THSD7A: variants seen among roughly 807,000 people sequenced by gnomAD.
THSD7A encodes thrombospondin type 1 domain containing 7A, also known as thrombospondin type-1 domain-containing protein 7A.
Under a neutral mutation model 231.3 loss-of-function variants are expected in THSD7A, and 96 were observed. The ratio of observed to expected loss-of-function variants is 0.41; its 90% confidence interval spans 0.35 to 0.49. The LOEUF is 0.49. Ranked by LOEUF, THSD7A falls within the 20% of genes least tolerant of loss-of-function variation. THSD7A has a pLI of 0.05. For synonymous variants in THSD7A, 940 were observed against 743.3 expected (o/e 1.26, Z -4.30); for missense variants, 2,290 against 2,070.2 (o/e 1.11, Z -2.06).
intron 7 of THSD7A, among the ~76,000 whole-genome samples, chr7:11,476,318 T>TATACACACAC: frequency 7.3e-6 from 1 of 137,392 alleles, no homozygotes; most frequent in African/African-American, 2.7e-5. Flanking sequence ...CTCTGGAAGA[T>TATACACACAC]ACACACACAC....
At chr7:11,738,718 T>C (rs1782001558) in intron 1 of THSD7A, among the ~76,000 whole-genome samples, 1 of 151,972 alleles carries the variant, frequency 6.6e-6, no homozygotes, top group African/African-American at 2.4e-5. Context: ...GATTTGAAGA[T>C]GCTATGCCAC....
chr7:11,714,107 G>T (rs1303449144), intron 1 of THSD7A, among the ~76,000 whole-genome samples: 1 of 151,128 alleles, frequency 6.6e-6, no homozygotes, highest in Non-Finnish European at 1.5e-5. Context: ...AAAAATGTTT[G>T]CAGGAAAACG....
intron 6 of THSD7A, among the ~76,000 whole-genome samples, chr7:11,527,494 A>T (rs1788526765): frequency 6.6e-6 from 1 of 152,172 alleles, no homozygotes; most frequent in Non-Finnish European, 1.5e-5. Context: ...CTTATCTAAC[A>T]TCACATGCTC....
intron 1 of THSD7A, among the ~76,000 whole-genome samples, chr7:11,796,520 C>T (rs1369992022): frequency 1.3e-5 from 2 of 151,786 alleles, no homozygotes; most frequent in Non-Finnish European, 2.9e-5. Context: ...ATCCAGAATA[C>T]AGCATATTTT....
intron 4 of THSD7A, among the ~76,000 whole-genome samples, chr7:11,582,054 C>A (rs569311378): frequency 1.4e-4 from 21 of 152,002 alleles, no homozygotes; most frequent in Non-Finnish European, 1.2e-4. Flanking sequence ...CTGTAATAAT[C>A]TTTTACTCTG....
chr7:11,798,333 T>C (rs1190768957), intron 1 of THSD7A, among the ~76,000 whole-genome samples: 1 of 151,984 alleles, frequency 6.6e-6, no homozygotes, highest in Non-Finnish European at 1.5e-5. Flanking sequence ...TACCCAGGCA[T>C]GGTGGTACAT....
chr7:11,593,115 A>T (rs1259422409), intron 3 of THSD7A, 139 bp downstream of exon 3: 22 of 1,171,232 alleles, frequency 1.9e-5, no homozygotes, highest in Non-Finnish European at 2.4e-5. Context: ...CTGTAAAAAA[A>T]GTTTTTTTTA....
At chr7:11,558,434 G>C (rs1040071955) in intron 4 of THSD7A, among the ~76,000 whole-genome samples, 12 of 152,042 alleles carry the variant, frequency 7.9e-5, no homozygotes, top group African/African-American at 2.9e-4. Context: ...ATCTACTATA[G>C]TACCACAGTC....
intron 6 of THSD7A, among the ~76,000 whole-genome samples, chr7:11,514,035 G>C (rs1787927149): frequency 6.6e-6 from 1 of 151,728 alleles, no homozygotes; most frequent in Admixed American, 6.6e-5. Context: ...CCACCTCAAT[G>C]TCTTTGCACT....
intron 1 of THSD7A, among the ~76,000 whole-genome samples, chr7:11,792,927 C>T (rs1784004801): frequency 6.6e-6 from 1 of 151,828 alleles, no homozygotes; most frequent in African/African-American, 2.4e-5. Context: ...GAGGTTTGCC[C>T]TGTGAGTTGT....
At chr7:11,439,919 A>T (rs986205331) in intron 13 of THSD7A, among the ~76,000 whole-genome samples, 6 of 152,122 alleles carry the variant, frequency 3.9e-5, no homozygotes, top group Non-Finnish European at 8.8e-5. Flanking sequence ...TTTTCAATGT[A>T]GATGAAACAG....
At chr7:11,820,741 G>A in intron 1 of THSD7A, 1 of 1,197,504 alleles carries the variant, frequency 8.4e-7, no homozygotes, top group South Asian at 1.2e-5. Flanking sequence ...TCTCTTCAGT[G>A]TACTCTTCTG....
chr7:11,643,599 G>GCA (rs760006180), intron 1 of THSD7A, among the ~76,000 whole-genome samples: 5 of 96,308 alleles, frequency 5.2e-5, no homozygotes, highest in African/African-American at 1.9e-4. Flanking sequence ...CCACACGCAC[G>GCA]CGCGCACACA....
chr7:11,663,815 T>A (rs576158569), intron 1 of THSD7A, among the ~76,000 whole-genome samples: 1 of 151,818 alleles, frequency 6.6e-6, no homozygotes, highest in South Asian at 2.1e-4. Flanking sequence ...GATATAAGAC[T>A]ATATATACAA....
chr7:11,507,420 T>C (rs1021271541), intron 6 of THSD7A, among the ~76,000 whole-genome samples: 1 of 152,144 alleles, frequency 6.6e-6, no homozygotes, highest in African/African-American at 2.4e-5. Flanking sequence ...TTTGGGAAAT[T>C]TGTATGCCCG....
At chr7:11,398,528 G>C (rs1783278718) in intron 23 of THSD7A, among the ~76,000 whole-genome samples, 1 of 151,886 alleles carries the variant, frequency 6.6e-6, no homozygotes, top group African/African-American at 2.4e-5. Flanking sequence ...ATGTACCCCA[G>C]AACTTAAAGT....
At position 11,429,046 on chromosome 7, in the gene THSD7A, G is replaced by T; in HGVS notation, c.3144C>A (p.Ser1048Arg). Residue 1048 changes from serine to arginine, a missense_variant, in exon 14 of 28, where the codon AGC becomes AGA. Physicochemically the swap from Ser to Arg is moderately radical, Grantham distance 110. Transcript: ENST00000423059. ...LSEWSNWSRC[S>R]KSCGSGVKVR... ...CCTTCACACCACTCCCACAGGACTT[G>T]CTGCAGCGCGACCAGTTGGACCACT... 1 of 1,613,178 alleles carries T rather than the reference G, an allele frequency of 6.2e-7. No individual in the cohort carries two copies. The highest frequency in any genetic ancestry group is 8.5e-7 in the Non-Finnish European group (1 of 1,179,554).
intron 4 of THSD7A, among the ~76,000 whole-genome samples, chr7:11,565,290 A>G (rs141763498): frequency 2.6e-4 from 40 of 152,332 alleles, no homozygotes; most frequent in African/African-American, 9.4e-4. Context: ...CTGAAGAAGA[A>G]TTTGAGTATC....
At chr7:11,527,557 T>C (rs755297316) in intron 6 of THSD7A, among the ~76,000 whole-genome samples, 2 of 152,210 alleles carry the variant, frequency 1.3e-5, no homozygotes, top group African/African-American at 2.4e-5. Context: ...GATTTTACTT[T>C]GCACTCTATC....
Sources: allele counts gnomAD v4.1 joint callset (sites outside exome capture counted in the v4.1 genomes callset), GRCh38; gene constraint gnomAD v4.1.1; transcripts MANE v1.5; gene names NCBI Gene and HGNC (gene_info 2026-07-23, HGNC 2026-07-21).